The following OSBP2 variants were observed in gnomAD, a reference collection of about 807,000 sequenced individuals.
OSBP2 encodes oxysterol binding protein 2.
A neutral mutation model predicts 96.0 loss-of-function variants in OSBP2; 66 were observed. The ratio of observed to expected loss-of-function variants is 0.69; its 90% confidence interval spans 0.56 to 0.84. The LOEUF (loss-of-function observed/expected upper bound fraction) is 0.84. Among genes scored for constraint, OSBP2 ranks in the 40% least tolerant of loss-of-function variants. OSBP2 has a pLI of 0.00. For missense variants in OSBP2, 1,038 were observed against 1,222.7 expected (o/e 0.85, Z 2.25); for synonymous variants, 525 against 520.9 (o/e 1.01, Z -0.11).
intron 2 of OSBP2, among the ~76,000 whole-genome samples, chr22:30,799,407 A>G (rs946818200): frequency 2.0e-5 from 3 of 152,252 alleles, no homozygotes; most frequent in Admixed American, 6.5e-5. Context: ...TACAGGCGTG[A>G]GCCGCCACGC....
chr22:30,701,752 C>T (rs1238459200), intron 1 of OSBP2, among the ~76,000 whole-genome samples: 1 of 152,222 alleles, frequency 6.6e-6, no homozygotes, highest in East Asian at 1.9e-4. Flanking sequence ...AGGGTTAGTC[C>T]TCACATAATG....
chr22:30,817,762 A>G (rs2091098943), intron 2 of OSBP2, among the ~76,000 whole-genome samples: 2 of 152,168 alleles, frequency 1.3e-5, no homozygotes, highest in South Asian at 2.1e-4. Flanking sequence ...AAGGCCTCCA[A>G]CTCTGCCCTG....
chr22:30,731,956 T>C (rs2145725053), intron 1 of OSBP2, among the ~76,000 whole-genome samples: 1 of 152,316 alleles, frequency 6.6e-6, no homozygotes, highest in South Asian at 2.1e-4. Context: ...CTGAGTGGTC[T>C]GCATGTGTTG....
chr22:30,745,156 C>T (rs777960644), intron 2 of OSBP2, among the ~76,000 whole-genome samples: 5 of 151,854 alleles, frequency 3.3e-5, no homozygotes, highest in Admixed American at 6.6e-5. Context: ...TTTTGGAATA[C>T]GCAAAAGCAG....
Position 30,751,316 on chromosome 22 carries a change from G to A in OSBP2, c.853+9947G>A, listed in dbSNP as rs144998023. Among the ~76,000 whole-genome samples the A allele has an allele frequency of 1.7e-3, 258 of 151,912 alleles. 1 individual carries two copies. The highest frequency in any genetic ancestry group is 5.7e-3 in the African/African-American group (237 of 41,446). ...AGAATAAATCTCTTCAAATATGTAT[G>A]TGTTGTGTGTGTGTGTATATATATA... On this transcript the variant is annotated intron_variant, in intron 2 of 13. Coordinates refer to ENST00000332585, the MANE Select transcript of OSBP2 (RefSeq NM_030758.4).
intron 1 of OSBP2, among the ~76,000 whole-genome samples, chr22:30,704,159 C>A (rs1337344157): frequency 1.3e-5 from 2 of 152,184 alleles, no homozygotes; most frequent in African/African-American, 4.8e-5. Context: ...ACTAGGAGGA[C>A]TCACAGGACT....
At chr22:30,715,569 G>C (rs1300237587) in intron 1 of OSBP2, among the ~76,000 whole-genome samples, 2 of 119,528 alleles carry the variant, frequency 1.7e-5, no homozygotes, top group Admixed American at 1.8e-4. Context: ...TTTTTTTTTT[G>C]AGGTGGAGTT....
chr22:30,767,181 G>A (rs79312107), intron 2 of OSBP2, among the ~76,000 whole-genome samples: 2 of 144,988 alleles, frequency 1.4e-5, no homozygotes, highest in Non-Finnish European at 3.0e-5. Context: ...GTTGTGGCAC[G>A]CACCTGAAAT....
intron 2 of OSBP2, among the ~76,000 whole-genome samples, chr22:30,799,674 T>C (rs1238739102): frequency 6.6e-6 from 1 of 152,254 alleles, no homozygotes; most frequent in African/African-American, 2.4e-5. Flanking sequence ...ACTATTTCGA[T>C]AGAAGTGGCA....
chr22:30,883,295 A>G (rs1265741252), intron 3 of OSBP2, among the ~76,000 whole-genome samples: 1 of 152,206 alleles, frequency 6.6e-6, no homozygotes, highest in African/African-American at 2.4e-5. Context: ...CTGGGGCTAG[A>G]CAGACCTGGG....
intron 2 of OSBP2, among the ~76,000 whole-genome samples, chr22:30,818,505 C>T (rs777761649): frequency 1.3e-5 from 2 of 152,100 alleles, no homozygotes; most frequent in African/African-American, 4.8e-5. Context: ...GATGTGCTTG[C>T]GATTCTTAAT....
chr22:30,887,724 T>G, intron 4 of OSBP2, 106 bp downstream of exon 4: 1 of 1,010,698 alleles, frequency 9.9e-7, no homozygotes, highest in Non-Finnish European at 1.4e-6. Context: ...TGCCCACATG[T>G]GGGCTGGCCT....
intron 3 of OSBP2, among the ~76,000 whole-genome samples, chr22:30,875,663 C>T (rs1471126729): frequency 2.6e-5 from 4 of 152,176 alleles, no homozygotes; most frequent in African/African-American, 7.2e-5. Flanking sequence ...TGAGCCACCG[C>T]GCCTGGCCCT....
chr22:30,740,465 C>A (rs2089923432), intron 1 of OSBP2, among the ~76,000 whole-genome samples: 1 of 152,170 alleles, frequency 6.6e-6, no homozygotes, highest in Non-Finnish European at 1.5e-5. Context: ...TTACTCTAGT[C>A]CCTAGGCAAG....
At position 30,870,459 on chromosome 22, in the gene OSBP2, C is replaced by T. The variant is rs1463469922; in HGVS notation, c.884C>T (p.Thr295Ile). 3 of 1,613,922 alleles carry T rather than the reference C, an allele frequency of 1.9e-6. No individual in the cohort carries two copies. The highest frequency in any genetic ancestry group is 1.3e-5 in the African/African-American group (1 of 74,930). The change falls in exon 3 of 14, where the codon ACC becomes ATC. Residue 295 changes from threonine to isoleucine, a missense_variant. Coordinates refer to ENST00000332585, the MANE Select transcript of OSBP2 (RefSeq NM_030758.4). This position sits in a 1 kb window ranked among gnomAD's most constrained non-coding sequence, Gnocchi z 4.1. Reference sequence around the variant, plus strand: ...TCTGGGGACGACGACGAGGCTACCACCCCAGCCGACAAGAGCGAGCTGCAC... The same window carrying T: ...TCTGGGGACGACGACGAGGCTACCATCCCAGCCGACAAGAGCGAGCTGCAC... The part of the protein sequence containing the change: ...DDSGDDDEAT[T>I]PADKSELHHT...
At chr22:30,762,173 G>A (rs189723172) in intron 2 of OSBP2, among the ~76,000 whole-genome samples, 1 of 151,996 alleles carries the variant, frequency 6.6e-6, no homozygotes, top group Non-Finnish European at 1.5e-5. Flanking sequence ...AGTGAACCGA[G>A]ATTACACTAC....
rs753591372 is a variant in OSBP2, at chr22:30,854,469, C to T, written c.854-15960C>T. Among the ~76,000 whole-genome samples the T allele has an allele frequency of 1.9e-4, 29 of 151,714 alleles. 1 individual carries two copies. The highest frequency in any genetic ancestry group is 6.3e-4 in the South Asian group (3 of 4,788). Reference sequence around the variant, plus strand: ...AATTACAGGCACGCACGACCATGCCCGGCTAATTTTTGAATTTTTAGTAGA... The same window carrying T: ...AATTACAGGCACGCACGACCATGCCTGGCTAATTTTTGAATTTTTAGTAGA... On this transcript the variant is annotated intron_variant, in intron 2 of 13. Coordinates refer to ENST00000332585, the MANE Select transcript of OSBP2 (RefSeq NM_030758.4).
chr22:30,852,628 T>C lies in OSBP2; in HGVS notation c.854-17801T>C, dbSNP rs1456051594. On this transcript the variant is annotated intron_variant, in intron 2 of 13. Transcript: ENST00000332585. ...AGTTTAACTTTCTAAATTCTGTTTTTATTTTGTTTATTTCTGCTTTTATCT... is the reference window on the plus strand; with the variant it reads ...AGTTTAACTTTCTAAATTCTGTTTTCATTTTGTTTATTTCTGCTTTTATCT... 2.0e-5 allele frequency among the ~76,000 whole-genome samples: 3 copies of C among 152,254 alleles called. No homozygotes were observed. In the East Asian group the frequency reaches 5.8e-4, roughly 29 times the overall value.
intron 2 of OSBP2, among the ~76,000 whole-genome samples, chr22:30,857,836 A>G (rs1337858025): frequency 1.3e-5 from 2 of 152,198 alleles, no homozygotes; most frequent in South Asian, 4.1e-4. Context: ...CATTTAAGAC[A>G]CATGAATCTG....
Sources: gnomAD v4.1 joint callset for allele counts (sites outside exome capture counted in the v4.1 genomes callset) on GRCh38, gnomAD v4.1.1 for gene constraint, Gnocchi (gnomAD v3.1) non-coding constraint, MANE v1.5 for transcripts, NCBI Gene and HGNC (gene_info 2026-07-23, HGNC 2026-07-21) for gene names.